Variants in ZEB2 observed in about 807,000 individuals in gnomAD.
ZEB2 encodes the protein zinc finger E-box binding homeobox 2.
A neutral mutation model predicts 99.9 loss-of-function variants in ZEB2; 6 were observed. That is an observed-to-expected ratio of 0.06 (90% confidence interval 0.03 to 0.12). The LOEUF (loss-of-function observed/expected upper bound fraction) is 0.12. Among genes scored for constraint, ZEB2 ranks in the 10% least tolerant of loss-of-function variants. The pLI is 1.00. For synonymous variants in ZEB2, 517 were observed against 542.5 expected (o/e 0.95, Z 0.65); for missense variants, 969 against 1,502.8 (o/e 0.64, Z 5.87).
chr2:144,422,557 C>T (rs908892763), intron 4 of ZEB2, among the ~76,000 whole-genome samples: 5 of 152,290 alleles, frequency 3.3e-5, no homozygotes, highest in South Asian at 2.1e-4. Flanking sequence ...CCCGGCACTT[C>T]GGGAGGCCGA....
At chr2:144,455,863 A>C (rs1704115692) in intron 2 of ZEB2, among the ~76,000 whole-genome samples, 2 of 152,118 alleles carry the variant, frequency 1.3e-5, no homozygotes, top group Admixed American at 6.5e-5. Context: ...TTATTACTTA[A>C]AGTATATCTC....
At position 144,517,636 on chromosome 2, in the gene ZEB2, G is replaced by A. The variant is rs751919941; in HGVS notation, c.-69-217C>T. 4 of 700,956 alleles carry A rather than the reference G, an allele frequency of 5.7e-6. No individual in the cohort carries two copies. In the South Asian group the frequency reaches 5.9e-5, roughly 10 times the overall value. 43.4% of individuals were successfully genotyped at this position (700,956 alleles called of 1,614,324 possible). A position where few individuals can be genotyped will look rare whatever the true frequency, so the allele number is the denominator to read the frequency against. On this transcript the variant is annotated intron_variant, in intron 1 of 9. Transcript: ENST00000627532. ...CTGTTTGGTGTGTTGCACCCGCGAG[G>A]GGATCAGAGAGACAAGAATTACATC...
intron 2 of ZEB2, chr2:144,464,166 C>T (rs1398618788): frequency 6.6e-6 from 1 of 152,154 alleles, no homozygotes; most frequent in African/African-American, 2.4e-5. Flanking sequence ...TTTGCCTTAC[C>T]TCTCTATCCT....
chr2:144,513,938 A>T (rs752651162), intron 2 of ZEB2: 5 of 1,459,058 alleles, frequency 3.4e-6, no homozygotes, highest in Non-Finnish European at 4.5e-6. Flanking sequence ...TGAAACCGAC[A>T]CACATTCTTG....
chr2:144,474,463 C>T (rs542907314), intron 2 of ZEB2, among the ~76,000 whole-genome samples: 11 of 152,184 alleles, frequency 7.2e-5, no homozygotes, highest in Non-Finnish European at 1.5e-4. Context: ...TGCCTACTGC[C>T]TAAATATGTT....
chr2:144,516,277 T>G, intron 2 of ZEB2: 1 of 122,452 alleles, frequency 8.2e-6, no homozygotes. Flanking sequence ...CCAGGCGCCT[T>G]CCGCGCTCTT....
intron 2 of ZEB2, chr2:144,461,511 A>T (rs1704193962): frequency 6.6e-6 from 1 of 152,226 alleles, no homozygotes. Context: ...CTGCAACTGG[A>T]CAAGGCTGCA....
rs775696099 is a variant in ZEB2, at chr2:144,513,389, C to G, written c.73+3889G>C. 2.2e-6 allele frequency: 3 copies of G among 1,355,236 alleles called. No homozygotes were observed. The South Asian group carries it at 3.7e-5, about 17-fold the overall frequency. 84.0% of individuals were successfully genotyped at this position (1,355,236 alleles called of 1,614,324 possible). On this transcript the variant is annotated intron_variant, in intron 2 of 9. Transcript: ENST00000627532. ...CCAAAGGCATTTGTAAAAAGCTCCC[C>G]TTCTCCTTCACACTGTCCCCAACCC...
intron 4 of ZEB2, among the ~76,000 whole-genome samples, chr2:144,419,408 G>C (rs898000697): frequency 2.6e-5 from 4 of 152,144 alleles, no homozygotes; most frequent in African/African-American, 9.7e-5. Context: ...GCAGATGCAG[G>C]TGGTTATTAA....
At chr2:144,513,707 C>G (rs1705082510) in intron 2 of ZEB2, 1 of 1,535,814 alleles carries the variant, frequency 6.5e-7, no homozygotes. Flanking sequence ...GGGGCAAAAG[C>G]AACAAACTTT....
intron 2 of ZEB2, among the ~76,000 whole-genome samples, chr2:144,492,976 T>C (rs1467464971): frequency 2.0e-5 from 3 of 152,170 alleles, no homozygotes; most frequent in Non-Finnish European, 4.4e-5. Context: ...GGGAGACAAA[T>C]AGGAATCAGA....
At chr2:144,465,069 T>C (rs933787007) in intron 2 of ZEB2, among the ~76,000 whole-genome samples, 2 of 152,194 alleles carry the variant, frequency 1.3e-5, no homozygotes, top group African/African-American at 4.8e-5. Flanking sequence ...CTAATTTGGC[T>C]TTGGCAATGG....
intron 2 of ZEB2, among the ~76,000 whole-genome samples, chr2:144,445,626 T>C (rs540566564): frequency 3.3e-5 from 5 of 152,204 alleles, no homozygotes; most frequent in African/African-American, 1.2e-4. Flanking sequence ...CTTTCCTCCC[T>C]CCAGAGCTTC....
At chr2:144,507,660 C>T (rs1423399543) in intron 2 of ZEB2, among the ~76,000 whole-genome samples, 1 of 152,230 alleles carries the variant, frequency 6.6e-6, no homozygotes, top group East Asian at 1.9e-4. Context: ...GCAGCAGCCA[C>T]TGTAAACGTA....
intron 6 of ZEB2, among the ~76,000 whole-genome samples, chr2:144,401,544 T>C (rs1703310797): frequency 6.6e-6 from 1 of 152,258 alleles, no homozygotes; most frequent in African/African-American, 2.4e-5. Flanking sequence ...GAATTATTTC[T>C]GTAGTGTCTT....
chr2:144,514,855 C>T (rs1175733046), intron 2 of ZEB2, among the ~76,000 whole-genome samples: 1 of 152,228 alleles, frequency 6.6e-6, no homozygotes, highest in African/African-American at 2.4e-5. Context: ...CAACTTTCCA[C>T]TTCTGAATGT....
chr2:144,401,347 G>C (rs775034572), intron 6 of ZEB2, 40 bp from the exon 7 acceptor site: 1 of 1,597,484 alleles, frequency 6.3e-7, no homozygotes, highest in South Asian at 1.1e-5. Flanking sequence ...TTGTGCAGGA[G>C]GAACAAAGAA....
chr2:144,487,036 A>C (rs1704608707), intron 2 of ZEB2, among the ~76,000 whole-genome samples: 1 of 152,208 alleles, frequency 6.6e-6, no homozygotes, highest in Non-Finnish European at 1.5e-5. Context: ...TATGCATATA[A>C]ACTTCCGTGA....
intron 2 of ZEB2, among the ~76,000 whole-genome samples, chr2:144,451,559 T>C (rs772020227): frequency 2.0e-5 from 3 of 152,192 alleles, no homozygotes; most frequent in Non-Finnish European, 4.4e-5. Context: ...TTTCCATAGA[T>C]GAATATTTAC....
Sources: allele counts gnomAD v4.1 joint callset (sites outside exome capture counted in the v4.1 genomes callset), GRCh38; gene constraint gnomAD v4.1.1; transcripts MANE v1.5; gene names NCBI Gene and HGNC (gene_info 2026-07-23, HGNC 2026-07-21).